Variants in PTPRT observed in about 807,000 individuals in gnomAD.
The protein encoded by PTPRT is protein tyrosine phosphatase receptor type T, also known as receptor-type tyrosine-protein phosphatase T.
Under a neutral mutation model 176.8 loss-of-function variants are expected in PTPRT, and 56 were observed. The ratio of observed to expected loss-of-function variants is 0.32; its 90% CI spans 0.26 to 0.40. The LOEUF (loss-of-function observed/expected upper bound fraction) is 0.40. Among genes scored for constraint, PTPRT ranks in the 10% least tolerant of loss-of-function variants. PTPRT has a pLI of 1.00. For missense variants in PTPRT, 1,540 were observed against 1,908.2 expected (o/e 0.81, Z 3.60); for synonymous variants, 783 against 739.0 (o/e 1.06, Z -0.96).
At chr20:42,303,119 A>C (rs1017855791) in intron 12 of PTPRT, among the ~76,000 whole-genome samples, 2 of 152,174 alleles carry the variant, frequency 1.3e-5, no homozygotes, top group Admixed American at 1.3e-4. Context: ...GTTTAAACCA[A>C]CCCAAACCAG....
At chr20:42,428,060 C>T (rs557897110) in intron 9 of PTPRT, among the ~76,000 whole-genome samples, 1 of 152,330 alleles carries the variant, frequency 6.6e-6, no homozygotes, top group East Asian at 1.9e-4. Flanking sequence ...GTTGCTCACA[C>T]AAAGCCTGTT....
At chr20:42,102,713 A>C (rs1416164593) in intron 25 of PTPRT, among the ~76,000 whole-genome samples, 1 of 152,096 alleles carries the variant, frequency 6.6e-6, no homozygotes, top group African/African-American at 2.4e-5. Context: ...GGAATGGGGG[A>C]AATGATTTAC....
chr20:42,392,863 T>A (rs1359275515), intron 9 of PTPRT, among the ~76,000 whole-genome samples: 2 of 152,080 alleles, frequency 1.3e-5, no homozygotes, highest in Non-Finnish European at 2.9e-5. Context: ...AAAGACAGAT[T>A]AACAAGAGAA....
At chr20:42,632,759 G>A (rs2074440598) in intron 7 of PTPRT, among the ~76,000 whole-genome samples, 1 of 151,434 alleles carries the variant, frequency 6.6e-6, no homozygotes, top group Admixed American at 6.6e-5. Flanking sequence ...GCTTTCCTGA[G>A]TTCTGTGAGT....
intron 14 of PTPRT, among the ~76,000 whole-genome samples, chr20:42,236,593 A>ATTTT (rs11480202): frequency 1.5e-5 from 2 of 135,636 alleles, no homozygotes; most frequent in Non-Finnish European, 1.6e-5. Flanking sequence ...TGTAATTATG[A>ATTTT]TTTTTTTTTT....
intron 7 of PTPRT, among the ~76,000 whole-genome samples, chr20:42,520,330 T>C (rs2072147974): frequency 6.6e-6 from 1 of 152,076 alleles, no homozygotes; most frequent in Non-Finnish European, 1.5e-5. Context: ...ACAAATACAA[T>C]TTGCTGGCCA....
At chr20:42,356,770 T>C (rs1371286658) in intron 9 of PTPRT, among the ~76,000 whole-genome samples, 6 of 152,166 alleles carry the variant, frequency 3.9e-5, no homozygotes, top group African/African-American at 1.4e-4. Flanking sequence ...GGATGAAGAA[T>C]GTGTCTCTGT....
intron 12 of PTPRT, among the ~76,000 whole-genome samples, chr20:42,300,120 T>A (rs376624924): frequency 6.6e-6 from 1 of 151,794 alleles, no homozygotes; most frequent in Non-Finnish European, 1.5e-5. Context: ...TAGCTGGGCA[T>A]GATGGCCGGT....
chr20:42,809,312 G>A (rs1268726285), intron 2 of PTPRT, among the ~76,000 whole-genome samples: 7 of 151,994 alleles, frequency 4.6e-5, no homozygotes, highest in South Asian at 2.1e-4. Context: ...GCCCTGTCCC[G>A]CCAGGTGTGA....
chr20:42,054,869 G>A, the PTPRT span, among the ~76,000 whole-genome samples: 1 of 152,208 alleles, frequency 6.6e-6, no homozygotes, highest in African/African-American at 2.4e-5. Context: ...CTGGCTGACA[G>A]CTGTCACCTG....
At chr20:42,119,561 C>T (rs992651783) in intron 20 of PTPRT, among the ~76,000 whole-genome samples, 1 of 152,190 alleles carries the variant, frequency 6.6e-6, no homozygotes, top group Admixed American at 6.6e-5. Flanking sequence ...ATGCACCTAT[C>T]GTGGAGATAA....
chr20:42,323,851 C>G (rs953264603), intron 11 of PTPRT, among the ~76,000 whole-genome samples: 1 of 152,132 alleles, frequency 6.6e-6, no homozygotes, highest in African/African-American at 2.4e-5. Flanking sequence ...TAACGGCCAT[C>G]AGACAAAAGA....
intron 1 of PTPRT, among the ~76,000 whole-genome samples, chr20:42,889,830 G>C (rs6016918): frequency 0.012 from 1,764 of 152,312 alleles, 40 homozygotes; most frequent in African/African-American, 0.041. Context: ...AGGACAGAAG[G>C]AGGGAGCCAC....
chr20:42,915,767 A>AT (rs913379743), intron 1 of PTPRT, among the ~76,000 whole-genome samples: 43 of 148,220 alleles, frequency 2.9e-4, no homozygotes, highest in East Asian at 4.0e-4. Flanking sequence ...AATTTTTTGT[A>AT]TTTTTTTTTT....
At chr20:42,422,409 C>G (rs191296783) in intron 9 of PTPRT, among the ~76,000 whole-genome samples, 2 of 152,254 alleles carry the variant, frequency 1.3e-5, no homozygotes, top group Middle Eastern at 3.4e-3. Context: ...AGACACTTTT[C>G]AAAAGAAGAC....
chr20:42,986,710 T>C (rs1983598737), intron 1 of PTPRT, among the ~76,000 whole-genome samples: 1 of 152,220 alleles, frequency 6.6e-6, no homozygotes, highest in South Asian at 2.1e-4. Context: ...TTTATCTCAT[T>C]TGAGGCTCAT....
At chr20:42,161,747 C>A (rs1003359235) in intron 16 of PTPRT, among the ~76,000 whole-genome samples, 1 of 152,154 alleles carries the variant, frequency 6.6e-6, no homozygotes, top group Non-Finnish European at 1.5e-5. Context: ...ACAAGCAAAC[C>A]AATGACCACA....
intron 1 of PTPRT, among the ~76,000 whole-genome samples, chr20:43,183,142 G>A (rs1361972886): frequency 1.3e-5 from 2 of 152,142 alleles, no homozygotes; most frequent in African/African-American, 4.8e-5. Flanking sequence ...TTAAACTTTT[G>A]CATTTTTGCC....
At chr20:42,661,988 T>C (rs548397615) in intron 7 of PTPRT, among the ~76,000 whole-genome samples, 16 of 152,286 alleles carry the variant, frequency 1.1e-4, no homozygotes, top group African/African-American at 3.4e-4. Context: ...TGAGGCTGCA[T>C]ACCAAGCTCT....
Sources: allele counts gnomAD v4.1 joint callset (sites outside exome capture counted in the v4.1 genomes callset), GRCh38; gene constraint gnomAD v4.1.1; transcripts MANE v1.5; gene names NCBI Gene and HGNC (gene_info 2026-07-23, HGNC 2026-07-21).